The following MYO9A variants were observed in gnomAD, a reference collection of about 807,000 sequenced individuals.
The protein encoded by MYO9A is myosin IXA.
In MYO9A, 103 loss-of-function variants were observed where a neutral mutation model predicts 293.3. The observed-to-expected ratio is 0.35, with a 90% confidence interval of 0.30 to 0.41. The LOEUF (loss-of-function observed/expected upper bound fraction) is 0.41. MYO9A is among the 10% of genes least tolerant of loss of function. The pLI is 1.00. For synonymous variants in MYO9A, 1,001 were observed against 1,035.7 expected, an observed-to-expected ratio of 0.97 and a Z score of 0.64; for missense variants, 2,685 against 3,033.0, an observed-to-expected ratio of 0.89 and a Z score of 2.69.
chr15:71,910,158 A>G (rs2057799638), intron 19 of MYO9A, among the ~76,000 whole-genome samples: 1 of 51,442 alleles, frequency 1.9e-5, no homozygotes, highest in African/African-American at 5.5e-5. Context: ...GTGTGTATAT[A>G]TATATACGTG....
chr15:71,990,754 C>CA (rs11422716), intron 11 of MYO9A, among the ~76,000 whole-genome samples: 92,633 of 129,152 alleles, frequency 0.72, 32,146 homozygotes, highest in Middle Eastern at 0.77. Context: ...GAGACTCAGT[C>CA]AAAAAAAAAA....
At chr15:72,091,508 G>T (rs1024431408) in intron 1 of MYO9A, among the ~76,000 whole-genome samples, 2 of 151,970 alleles carry the variant, frequency 1.3e-5, no homozygotes, top group African/African-American at 4.8e-5. Context: ...CACACTCCTA[G>T]ATCATAAATA....
intron 5 of MYO9A, among the ~76,000 whole-genome samples, chr15:72,019,659 A>G (rs1167998662): frequency 6.6e-6 from 1 of 152,222 alleles, no homozygotes; most frequent in African/African-American, 2.4e-5. Flanking sequence ...CAAAGTCATT[A>G]GTTTATATTA....
At chr15:71,872,530 T>C (rs2056546596) in intron 32 of MYO9A, among the ~76,000 whole-genome samples, 1 of 152,178 alleles carries the variant, frequency 6.6e-6, no homozygotes, top group Non-Finnish European at 1.5e-5. Context: ...CCAAATACCC[T>C]GACTTGATCA....
At chr15:71,883,570 G>A in intron 28 of MYO9A, 24 bp downstream of exon 28, 1 of 1,599,656 alleles carries the variant, frequency 6.3e-7, no homozygotes, top group Non-Finnish European at 8.5e-7. Context: ...ATGAACACAA[G>A]TTCCACCCTT....
chr15:71,832,491 C>T (rs1211277677), intron 39 of MYO9A, among the ~76,000 whole-genome samples: 1 of 152,014 alleles, frequency 6.6e-6, no homozygotes, highest in East Asian at 1.9e-4. Context: ...AAAGGAATAA[C>T]TATTAGATTC....
At chr15:71,891,202 G>A in intron 26 of MYO9A, 1 of 152,368 alleles carries the variant, frequency 6.6e-6, no homozygotes. Context: ...TGAGAAAGCT[G>A]GCGACGTGAC....
chr15:72,016,122 GATT>G (rs1308804980), intron 6 of MYO9A, among the ~76,000 whole-genome samples: 2 of 152,190 alleles, frequency 1.3e-5, no homozygotes, highest in African/African-American at 2.4e-5. Context: ...ACATTTAATA[GATT>G]ATTACCACTT....
chr15:72,054,239 G>T (rs1484044091), intron 1 of MYO9A, among the ~76,000 whole-genome samples: 1 of 152,116 alleles, frequency 6.6e-6, no homozygotes, highest in East Asian at 1.9e-4. Context: ...TTAGGCTTAG[G>T]CCTGAGAGAA....
intron 30 of MYO9A, among the ~76,000 whole-genome samples, chr15:71,878,675 A>G (rs1237218112): frequency 6.6e-6 from 1 of 152,012 alleles, no homozygotes; most frequent in African/African-American, 2.4e-5. Context: ...TGACATGCCC[A>G]GAATAACATC....
chr15:72,000,017 G>C (rs943293526), intron 8 of MYO9A, 77 bp from the exon 9 acceptor site: 6 of 1,195,136 alleles, frequency 5.0e-6, no homozygotes, highest in Non-Finnish European at 7.1e-6. Context: ...AAGCCAAATA[G>C]AGGAGGAAAA....
At chr15:71,845,428 AGT>A (rs2055342707) in intron 39 of MYO9A, among the ~76,000 whole-genome samples, 1 of 152,216 alleles carries the variant, frequency 6.6e-6, no homozygotes, top group Non-Finnish European at 1.5e-5. Flanking sequence ...TGGTTCTCAG[AGT>A]GTAGCCCACA....
In MYO9A at chr15:71,999,927, A is replaced by G. The variant is rs771618591; in HGVS notation, c.1394T>C (p.Met465Thr). 5 of 1,611,642 alleles carry G rather than the reference A, an allele frequency of 3.1e-6. No individual in the cohort carries two copies. The highest frequency in any genetic ancestry group is 4.2e-6 in the Non-Finnish European group (5 of 1,178,950). The stretch of plus-strand genomic sequence containing the variant: ...CCTTGTAACTAATGCTTCAAATAGC[A>G]TCTCTTCTTTAACCTATAAAACAGA... ...VSELLEVKEE[M>T]LFEALVTRKT... The change falls in exon 9 of 42, where the codon ATG becomes ACG. Residue 465 changes from methionine to threonine, a missense_variant. Around this residue, in one of 10 missense-constraint regions of MYO9A, gnomAD observed 289 missense variants for 456.8 expected, o/e 0.63. Coordinates refer to ENST00000356056, the MANE Select transcript of MYO9A (RefSeq NM_006901.4).
intron 13 of MYO9A, among the ~76,000 whole-genome samples, chr15:71,962,908 C>G (rs8040216): frequency 1.3e-5 from 2 of 151,928 alleles, no homozygotes. Context: ...TTCTAGATTT[C>G]TAAGTACATT....
chr15:71,946,539 T>C (rs2058922677), intron 15 of MYO9A, among the ~76,000 whole-genome samples: 2 of 152,254 alleles, frequency 1.3e-5, no homozygotes, highest in Non-Finnish European at 2.9e-5. Context: ...TCTTTCATTC[T>C]AGGTAATAGC....
intron 4 of MYO9A, among the ~76,000 whole-genome samples, chr15:72,024,788 TA>T (rs1271948867): frequency 6.6e-6 from 1 of 152,154 alleles, no homozygotes; most frequent in African/African-American, 2.4e-5. Context: ...TATCAGATTT[TA>T]ACTACAATGC....
At chr15:72,063,043 A>G (rs2078919006) in intron 1 of MYO9A, among the ~76,000 whole-genome samples, 1 of 152,220 alleles carries the variant, frequency 6.6e-6, no homozygotes, top group Admixed American at 6.5e-5. Flanking sequence ...TAACCAAAAC[A>G]GCATAACAAC....
chr15:71,988,864 C>G (rs1310777890), intron 11 of MYO9A, among the ~76,000 whole-genome samples: 2 of 152,156 alleles, frequency 1.3e-5, no homozygotes, highest in Non-Finnish European at 2.9e-5. Flanking sequence ...TTTGCCCCTC[C>G]CTTTGCACTA....
At chr15:72,101,510 A>G (rs1386559109) in intron 1 of MYO9A, among the ~76,000 whole-genome samples, 1 of 77,932 alleles carries the variant, frequency 1.3e-5, no homozygotes, top group Non-Finnish European at 2.5e-5. Flanking sequence ...TCCGGGAGGG[A>G]GGTGGGGGGG....
Sources: allele counts gnomAD v4.1 joint callset (sites outside exome capture counted in the v4.1 genomes callset), GRCh38; gene constraint gnomAD v4.1.1; regional missense constraint gnomAD v4.1.1; transcripts MANE v1.5; gene names NCBI Gene and HGNC (gene_info 2026-07-23, HGNC 2026-07-21).